FSIP1: variants seen among roughly 807,000 people sequenced by gnomAD.
FSIP1 encodes the protein fibrous sheath interacting protein 1, also known as fibrous sheath-interacting protein 1.
FSIP1 carries 65 observed loss-of-function variants against 60.9 expected under a neutral mutation model. The ratio of observed to expected loss-of-function variants is 1.07; its 90% CI spans 0.87 to 1.31. The LOEUF is 1.31. Ranked by LOEUF, FSIP1 falls within the 40% of genes most tolerant of loss-of-function variation. The pLI, the probability that FSIP1 is intolerant of heterozygous loss-of-function variation, is 0.00. For synonymous variants in FSIP1, 209 were observed against 221.2 expected (o/e 0.94, Z 0.49); for missense variants, 675 against 665.5 (o/e 1.01, Z -0.16).
At chr15:39,715,638 C>T (rs1264591897) in intron 9 of FSIP1, among the ~76,000 whole-genome samples, 1 of 152,180 alleles carries the variant, frequency 6.6e-6, no homozygotes. Context: ...AGCTTTCAAT[C>T]TCTAGAAGCA....
chr15:39,660,545 T>C (rs901602008), intron 10 of FSIP1, among the ~76,000 whole-genome samples: 2 of 152,194 alleles, frequency 1.3e-5, no homozygotes, highest in African/African-American at 4.8e-5. Flanking sequence ...CAGATTTCAG[T>C]AACATTAATG....
chr15:39,623,952 G>GT (rs1222953563), intron 10 of FSIP1, among the ~76,000 whole-genome samples: 1 of 152,212 alleles, frequency 6.6e-6, no homozygotes, highest in Non-Finnish European at 1.5e-5. Context: ...AACTGACTCT[G>GT]TAAGAGTATC....
chr15:39,699,388 A>G (rs1894963618), intron 10 of FSIP1, among the ~76,000 whole-genome samples: 1 of 152,232 alleles, frequency 6.6e-6, no homozygotes, highest in African/African-American at 2.4e-5. Context: ...TGTTGGATAC[A>G]AAGTTGGGAG....
intron 10 of FSIP1, among the ~76,000 whole-genome samples, chr15:39,682,739 T>C (rs922200578): frequency 1.3e-5 from 2 of 152,176 alleles, no homozygotes; most frequent in African/African-American, 4.8e-5. Flanking sequence ...TAAAATCAGA[T>C]CTTAGAAGAC....
chr15:39,759,729 T>C (rs1897429591), intron 5 of FSIP1, among the ~76,000 whole-genome samples: 2 of 152,154 alleles, frequency 1.3e-5, no homozygotes, highest in South Asian at 4.1e-4. Context: ...GGAATTTCTG[T>C]TCCTCCCTCT....
chr15:39,638,110 T>A (rs1892210961), intron 10 of FSIP1, among the ~76,000 whole-genome samples: 1 of 152,200 alleles, frequency 6.6e-6, no homozygotes, highest in Admixed American at 6.5e-5. Context: ...TAAGGCTGAT[T>A]CAGAAAAAGT....
intron 5 of FSIP1, among the ~76,000 whole-genome samples, chr15:39,743,819 C>A (rs759510695): frequency 5.3e-5 from 8 of 152,156 alleles, no homozygotes; most frequent in Non-Finnish European, 1.2e-4. Context: ...TGTGGGATTC[C>A]TGCCAAAAAC....
At chr15:39,686,426 A>C (rs1894376113) in intron 10 of FSIP1, among the ~76,000 whole-genome samples, 1 of 152,282 alleles carries the variant, frequency 6.6e-6, no homozygotes, top group African/African-American at 2.4e-5. Context: ...TCACAGAAGA[A>C]TATCTCACCA....
intron 10 of FSIP1, among the ~76,000 whole-genome samples, chr15:39,625,422 A>G (rs1016123719): frequency 1.3e-5 from 2 of 152,296 alleles, no homozygotes; most frequent in Admixed American, 1.3e-4. Context: ...CATAAGCAGA[A>G]AAGTGTGGAG....
At chr15:39,637,335 C>T (rs1471313325) in intron 10 of FSIP1, among the ~76,000 whole-genome samples, 4 of 152,136 alleles carry the variant, frequency 2.6e-5, no homozygotes, top group Non-Finnish European at 5.9e-5. Context: ...GGTGGATATT[C>T]CCACATAATC....
intron 5 of FSIP1, among the ~76,000 whole-genome samples, chr15:39,747,688 T>A (rs953712661): frequency 5.9e-5 from 9 of 152,186 alleles, no homozygotes; most frequent in Non-Finnish European, 1.3e-4. Context: ...AAGAAAGATA[T>A]CTGAACTCAG....
At chr15:39,744,330 G>A (rs993320032) in intron 5 of FSIP1, among the ~76,000 whole-genome samples, 1 of 152,162 alleles carries the variant, frequency 6.6e-6, no homozygotes, top group Non-Finnish European at 1.5e-5. Context: ...CCAAAACATT[G>A]ATGATTGAGC....
intron 5 of FSIP1, among the ~76,000 whole-genome samples, chr15:39,744,285 G>A (rs1896909649): frequency 2.0e-5 from 3 of 151,694 alleles, no homozygotes. Flanking sequence ...ATTCATGTGA[G>A]AAGGAAAAAA....
intron 10 of FSIP1, among the ~76,000 whole-genome samples, chr15:39,708,021 G>A (rs1388444781): frequency 6.6e-6 from 1 of 152,188 alleles, no homozygotes; most frequent in Non-Finnish European, 1.5e-5. Context: ...AAATGATGGA[G>A]AGACTGTCTG....
intron 10 of FSIP1, among the ~76,000 whole-genome samples, chr15:39,674,717 A>T (rs1233689959): frequency 1.3e-5 from 2 of 152,236 alleles, no homozygotes; most frequent in African/African-American, 4.8e-5. Context: ...AAAATATCAG[A>T]AGCATATCTT....
chr15:39,605,967 C>CCCAGGT (rs1468861738), intron 11 of FSIP1, among the ~76,000 whole-genome samples: 2 of 152,226 alleles, frequency 1.3e-5, no homozygotes, highest in Non-Finnish European at 2.9e-5. Flanking sequence ...AGGATTCAAA[C>CCCAGGT]CCAGGTCTTC....
intron 8 of FSIP1, among the ~76,000 whole-genome samples, chr15:39,727,292 G>A (rs1233666282): frequency 6.6e-6 from 1 of 152,102 alleles, no homozygotes. Flanking sequence ...ATTATGCTAG[G>A]CACTGGTGAT....
chr15:39,776,137 GGAGGGGAGGAGCA>G, intron 2 of FSIP1, among the ~76,000 whole-genome samples: 3 of 139,610 alleles, frequency 2.1e-5, no homozygotes, highest in African/African-American at 7.9e-5. Context: ...TGGGAGGGAG[GGAGGGGAGGAGCA>G]GAGGGAGGGG....
At chr15:39,765,831 T>A (rs1466345487) in intron 3 of FSIP1, 85 bp from the exon 4 acceptor site, 2 of 725,574 alleles carry the variant, frequency 2.8e-6, no homozygotes, top group African/African-American at 3.6e-5. Flanking sequence ...GTTCTTTCAT[T>A]CAACAAATAT....
Sources: gnomAD v4.1 joint callset for allele counts (sites outside exome capture counted in the v4.1 genomes callset) on GRCh38, gnomAD v4.1.1 for gene constraint, MANE v1.5 for transcripts, NCBI Gene and HGNC (gene_info 2026-07-23, HGNC 2026-07-21) for gene names.